Variants in MRO observed in about 807,000 individuals in gnomAD.
MRO encodes the protein maestro.
In MRO, 28 loss-of-function variants were observed where a neutral mutation model predicts 31.0. That is an observed-to-expected ratio of 0.90 (90% confidence interval 0.67 to 1.24). The LOEUF is 1.24. Among genes scored for constraint, MRO ranks in the 50% most tolerant of loss-of-function variants. The probability of loss-of-function intolerance (pLI) is 0.00; values close to 1 mark genes in which losing one functional copy is unlikely to be tolerated. For missense variants in MRO, 332 were observed against 289.2 expected, an observed-to-expected ratio of 1.15 and a Z score of -1.07; for synonymous variants, 108 against 108.4, an observed-to-expected ratio of 1.00 and a Z score of 0.02.
chr18:50,819,077 A>G (rs1256105672), intron 2 of MRO, among the ~76,000 whole-genome samples: 1 of 151,868 alleles, frequency 6.6e-6, no homozygotes, highest in African/African-American at 2.4e-5. Context: ...AAAAATTAAT[A>G]TTAAAAAAAT....
upstream of MRO, among the ~76,000 whole-genome samples, chr18:50,822,725 ACT>A (rs78297202): frequency 4.1e-4 from 52 of 127,444 alleles, no homozygotes; most frequent in East Asian, 0.011. Flanking sequence ...GCTAAGCTAA[ACT>A]CTGTCTTGAT....
intron 3 of MRO, among the ~76,000 whole-genome samples, chr18:50,809,031 G>T (rs941444428): frequency 6.6e-6 from 1 of 150,638 alleles, no homozygotes; most frequent in Non-Finnish European, 1.5e-5. Flanking sequence ...CCAGCTACTC[G>T]GGAGGCTGAG....
chr18:50,811,335 C>T (rs954682059), intron 2 of MRO, among the ~76,000 whole-genome samples: 11 of 152,198 alleles, frequency 7.2e-5, no homozygotes, highest in African/African-American at 2.7e-4. Flanking sequence ...GAAAGCCCTG[C>T]ACCCATTAGG....
In MRO at chr18:50,796,034, G is replaced by A. The variant is rs537392899; in HGVS notation, c.*3303C>T. On this transcript the variant is annotated 3_prime_UTR_variant, in exon 8 of 8. Coordinates refer to ENST00000398439, the MANE Select transcript of MRO (RefSeq NM_031939.6). ...ACCCTGGGCACTTAGCATGAGGGTC[G>A]GGGCACTTGAACATTCCTTTTTTCT... 1.1e-3 allele frequency: 160 copies of A among 152,282 alleles called. No individual in the cohort carries two copies. The highest frequency in any genetic ancestry group is 3.7e-3 in the African/African-American group (154 of 41,546). The allele number at this position is 152,282 out of a possible 1,614,324, so 9.4% of individuals were successfully genotyped here.
At chr18:50,823,078 G>A (rs1002681110), upstream of MRO, among the ~76,000 whole-genome samples, 1 of 152,094 alleles carries the variant, frequency 6.6e-6, no homozygotes, top group African/African-American at 2.4e-5. Flanking sequence ...TAGACAGAGA[G>A]GCATATGAGA....
intron 6 of MRO, 46 bp from the exon 7 acceptor site, chr18:50,800,189 A>G: frequency 7.3e-7 from 1 of 1,376,884 alleles, no homozygotes; most frequent in Non-Finnish European, 1.0e-6. Context: ...GAGTTCCATA[A>G]TCCCAAGCAA....
chr18:50,805,357 G>A, intron 4 of MRO, 21 bp from the exon 5 acceptor site: 1 of 1,609,628 alleles, frequency 6.2e-7, no homozygotes, highest in South Asian at 1.1e-5. Flanking sequence ...GGTTTGAAAA[G>A]CAGTAATAGC....
rs1912958260 is a variant in MRO, at chr18:50,798,310, A to T, written c.*1027T>A. 6.6e-6 allele frequency: 1 copy of T among 152,248 alleles called. No homozygotes were observed. The highest frequency in any genetic ancestry group is 1.5e-5 in the Non-Finnish European group (1 of 68,044). The allele number at this position is 152,248 out of a possible 1,614,324, so 9.4% of individuals were successfully genotyped here. On this transcript the variant is annotated 3_prime_UTR_variant, in exon 8 of 8. Transcript: ENST00000398439. ...CACTCAGCTCACATAAATTAATAAA[A>T]ATGTATACTTAGTACATATAAAATC...
Position 50,797,318 on chromosome 18 carries a change from G to A in MRO, c.*2019C>T, listed in dbSNP as rs1912874085. 1 of 152,314 alleles carries A rather than the reference G, an allele frequency of 6.6e-6. No individual in the cohort carries two copies. The allele number at this position is 152,314 out of a possible 1,614,324, so 9.4% of individuals were successfully genotyped here. A position where few individuals can be genotyped will look rare whatever the true frequency, so the allele number is the denominator to read the frequency against. ...TGTTCCTGGTAGTTCAACTCCTTAT[G>A]TGGCAGCTGGCTTCCCCCACAATTC... On this transcript the variant is annotated 3_prime_UTR_variant, in exon 8 of 8. Coordinates refer to ENST00000398439, the MANE Select transcript of MRO (RefSeq NM_031939.6).
Position 50,801,277 on chromosome 18 carries a change from G to A in MRO, c.585+72C>T, listed in dbSNP as rs890123587. The A allele has an allele frequency of 6.2e-5, 85 of 1,378,934 alleles. 1 individual carries two copies. The highest frequency in any genetic ancestry group is 2.2e-4 in the African/African-American group (15 of 69,440). 85.4% of individuals were successfully genotyped at this position (1,378,934 alleles called of 1,614,324 possible). ...GCTGGCAGGAACCCTAGGGTCTGGC[G>A]TCTCAACTCGCAACTCCCTTTATGA... On this transcript the variant is annotated intron_variant, in intron 6 of 7. Coordinates refer to ENST00000398439, the MANE Select transcript of MRO (RefSeq NM_031939.6).
intron 1 of MRO, 53 bp downstream of exon 1, chr18:50,819,844 C>T: frequency 6.5e-7 from 1 of 1,543,144 alleles, no homozygotes; most frequent in East Asian, 2.4e-5. Flanking sequence ...GGGAATTGTT[C>T]TGGAATGAAA....
chr18:50,800,884 CAA>C (rs11295212), intron 6 of MRO, among the ~76,000 whole-genome samples: 93 of 105,392 alleles, frequency 8.8e-4, no homozygotes, highest in Admixed American at 1.0e-3. Flanking sequence ...AAAACTGTCT[CAA>C]AAAAAAAAAA....
intron 5 of MRO, among the ~76,000 whole-genome samples, chr18:50,804,476 A>G (rs570358616): frequency 6.6e-6 from 1 of 152,168 alleles, no homozygotes; most frequent in Admixed American, 6.5e-5. Flanking sequence ...AAATACAAAA[A>G]TTAGCCAGCT....
chr18:50,806,794 G>C lies in MRO; in HGVS notation c.156C>G (p.Ile52Met). The stretch of plus-strand genomic sequence containing the variant: ...TGGGGTCCCGAGCTCTTTCTGCCAA[G>C]ATGAAAAACACATTCTTCAGAGGCT... Reference protein sequence around the residue: ...KREPLKNVFFILAERARDPSA... With the variant: ...KREPLKNVFFMLAERARDPSA... The change falls in exon 4 of 8, where the codon ATC becomes ATG. Residue 52 changes from isoleucine (I) to methionine (M), a missense_variant. By Grantham distance (10) the Ile-to-Met change is conservative. Transcript: ENST00000398439. The C allele has an allele frequency of 6.2e-7, 1 of 1,614,112 alleles. No individual in the cohort carries two copies. The highest frequency in any genetic ancestry group is 8.5e-7 in the Non-Finnish European group (1 of 1,180,020).
In MRO at chr18:50,797,375, G is replaced by A. The variant is rs187682251; in HGVS notation, c.*1962C>T. The A allele has an allele frequency of 4.7e-4, 72 of 152,284 alleles. No individual in the cohort carries two copies. The East Asian group carries it at 0.012, about 25-fold the overall frequency. The allele number at this position is 152,284 out of a possible 1,614,324, so 9.4% of individuals were successfully genotyped here. A position where few individuals can be genotyped will look rare whatever the true frequency, so the allele number is the denominator to read the frequency against. ...GGAAACTGCCAGGGTTTCTATGCCC[G>A]GCACAGTGCCATTTATCACAATCTC... On this transcript the variant is annotated 3_prime_UTR_variant, in exon 8 of 8. Transcript: ENST00000398439.
chr18:50,819,259 G>C (rs1026192531), intron 2 of MRO, among the ~76,000 whole-genome samples: 2 of 152,126 alleles, frequency 1.3e-5, no homozygotes, highest in African/African-American at 2.4e-5. Context: ...AACGAGGGAA[G>C]ACAGACCGCA....
At chr18:50,801,559 C>T (rs1913323728) in intron 5 of MRO, 55 bp from the exon 6 acceptor site, 3 of 1,521,770 alleles carry the variant, frequency 2.0e-6, no homozygotes, top group Non-Finnish European at 2.7e-6. Context: ...CAAAAGGCAA[C>T]TGCATCTGAA....
intron 2 of MRO, among the ~76,000 whole-genome samples, chr18:50,817,994 A>G (rs890796344): frequency 9.1e-6 from 1 of 109,730 alleles, no homozygotes. Context: ...AAGAACTCCC[A>G]CCCCCCGCCC....
chr18:50,811,092 A>G (rs1423872375), intron 2 of MRO, among the ~76,000 whole-genome samples: 1 of 152,206 alleles, frequency 6.6e-6, no homozygotes, highest in African/African-American at 2.4e-5. Flanking sequence ...TGGTAGCAGT[A>G]ACAATTAAAA....
Sources: allele counts gnomAD v4.1 joint callset (sites outside exome capture counted in the v4.1 genomes callset), GRCh38; gene constraint gnomAD v4.1.1; transcripts MANE v1.5; gene names NCBI Gene and HGNC (gene_info 2026-07-23, HGNC 2026-07-21).